ERC1: variants seen among roughly 807,000 people sequenced by gnomAD.
ERC1 encodes the protein RAB6 interacting protein 2.
Under a neutral mutation model 132.0 loss-of-function variants are expected in ERC1, and 56 were observed. That is an observed-to-expected ratio of 0.42 (90% confidence interval 0.34 to 0.53). The LOEUF (loss-of-function observed/expected upper bound fraction) is 0.53. Among genes scored for constraint, ERC1 ranks in the 20% least tolerant of loss-of-function variants. The pLI, the probability that ERC1 is intolerant of heterozygous loss-of-function variation, is 0.03. For missense variants in ERC1, 1,202 were observed against 1,349.9 expected (o/e 0.89, Z 1.72); for synonymous variants, 478 against 476.1 (o/e 1.00, Z -0.05).
In ERC1 at chr12:1,183,175, G is replaced by A. The variant is rs1251285401; in HGVS notation, c.2017-106G>A. On this transcript the variant is annotated intron_variant, in intron 10 of 18. Coordinates refer to ENST00000360905, the MANE Select transcript of ERC1 (RefSeq NM_178040.4). ...GTTTCCTTGTAATGGGAGTATGTCAGCATTTGGTAATAGAAAGGAAATTAC... is the reference window on the plus strand; with the variant it reads ...GTTTCCTTGTAATGGGAGTATGTCAACATTTGGTAATAGAAAGGAAATTAC... 8.1e-6 allele frequency: 5 copies of A among 619,114 alleles called. No homozygotes were observed. The Admixed American group carries it at 1.0e-4, about 12-fold the overall frequency. The allele number at this position is 619,114 out of a possible 1,614,324, so 38.4% of individuals were successfully genotyped here.
intron 15 of ERC1, among the ~76,000 whole-genome samples, chr12:1,316,590 C>A (rs144655410): frequency 6.6e-6 from 1 of 151,956 alleles, no homozygotes; most frequent in African/African-American, 2.4e-5. Context: ...GTTGTTAATG[C>A]GGGAGAGGAT....
At chr12:1,344,045 G>A (rs2084187674) in intron 15 of ERC1, among the ~76,000 whole-genome samples, 1 of 152,114 alleles carries the variant, frequency 6.6e-6, no homozygotes, top group South Asian at 2.1e-4. Flanking sequence ...GTTTCACCGT[G>A]TTAGCCAGGA....
chr12:1,121,661 C>CTGTGTCTCTATCTCTA (rs1555254383), intron 7 of ERC1, among the ~76,000 whole-genome samples: 4 of 17,318 alleles, frequency 2.3e-4, no homozygotes, highest in African/African-American at 4.3e-4. Flanking sequence ...CTATCTCTAT[C>CTGTGTCTCTATCTCTA]TCTATCTCTA....
chr12:1,491,019 G>C lies in ERC1; in HGVS notation c.*789G>C, dbSNP rs1239222138. On this transcript the variant is annotated 3_prime_UTR_variant, in exon 19 of 19. Transcript: ENST00000360905. ...GGTGTTAGATCAAATATCTCTAATTGAAGAACATGTGAGGTTGAAAGAGCA... is the reference window on the plus strand; with the variant it reads ...GGTGTTAGATCAAATATCTCTAATTCAAGAACATGTGAGGTTGAAAGAGCA... 3 of 232,750 alleles carry C rather than the reference G, an allele frequency of 1.3e-5. No individual in the cohort carries two copies. Among genetic ancestry groups the C allele is most frequent in the Non-Finnish European group, 1.7e-5 (2 of 117,812 alleles). 14.4% of individuals were successfully genotyped at this position (232,750 alleles called of 1,614,324 possible).
intron 13 of ERC1, among the ~76,000 whole-genome samples, chr12:1,259,213 C>T (rs1018239378): frequency 1.3e-5 from 2 of 152,098 alleles, no homozygotes; most frequent in African/African-American, 4.8e-5. Context: ...CCACTTTCAT[C>T]TCTTTTGGTT....
rs117984866 is a variant in ERC1, at chr12:1,438,231, G to C, written c.3025-6331G>C. Among the ~76,000 whole-genome samples the C allele has an allele frequency of 5.4e-3, 819 of 152,296 alleles. 2 individuals carry two copies. The highest frequency in any genetic ancestry group is 0.017 in the Middle Eastern group (5 of 294). ...CCTGAAGTACATTATTGACTAAGAA[G>C]ATATCTTAGTTATTGAGGGTAAAGA... On this transcript the variant is annotated intron_variant, in intron 17 of 18. Coordinates refer to ENST00000360905, the MANE Select transcript of ERC1 (RefSeq NM_178040.4).
intron 1 of ERC1, among the ~76,000 whole-genome samples, chr12:1,018,382 T>C (rs987325195): frequency 7.2e-5 from 11 of 152,120 alleles, no homozygotes; most frequent in Non-Finnish European, 1.5e-4. Flanking sequence ...GCCTGGCTAA[T>C]TTTTGTATTT....
At chr12:1,351,707 G>A (rs901247467) in intron 15 of ERC1, among the ~76,000 whole-genome samples, 1 of 151,818 alleles carries the variant, frequency 6.6e-6, no homozygotes, top group Admixed American at 6.6e-5. Context: ...CAACATAATT[G>A]TACATATTTA....
chr12:1,444,499 T>C, intron 17 of ERC1, 63 bp from the exon 18 acceptor site: 1 of 1,188,614 alleles, frequency 8.4e-7, no homozygotes, highest in Non-Finnish European at 1.2e-6. Context: ...TTTGAACCTC[T>C]CATTTCAGAC....
intron 2 of ERC1, among the ~76,000 whole-genome samples, chr12:1,070,324 A>G (rs189956677): frequency 6.7e-6 from 1 of 150,026 alleles, no homozygotes; most frequent in Admixed American, 6.6e-5. Context: ...TTTTGGAGGC[A>G]GGGTCTCACT....
intron 1 of ERC1, among the ~76,000 whole-genome samples, chr12:997,354 G>A (rs1224595329): frequency 6.6e-6 from 1 of 152,188 alleles, no homozygotes; most frequent in East Asian, 1.9e-4. Flanking sequence ...ACGAACATAT[G>A]TGTCCTAGAT....
At position 1,490,641 on chromosome 12, in the gene ERC1, G is replaced by A. The variant is rs2094309176; in HGVS notation, c.*411G>A. The A allele has an allele frequency of 8.0e-6, 2 of 248,542 alleles. No homozygotes were observed. Among genetic ancestry groups the A allele is most frequent in the Non-Finnish European group, 1.6e-5 (2 of 127,600 alleles). The allele number at this position is 248,542 out of a possible 1,614,324, so 15.4% of individuals were successfully genotyped here. On this transcript the variant is annotated 3_prime_UTR_variant, in exon 19 of 19. Transcript: ENST00000360905. ...AACAGGCTGAGAGGATGCCTCCAAT[G>A]GACCAGAGAGCTGAGTGTTCTAATA...
rs542565593 is a variant in ERC1, at chr12:1,384,684, A to G, written c.2925+12707A>G. Among the ~76,000 whole-genome samples, 83 of 152,326 alleles carry G rather than the reference A, an allele frequency of 5.4e-4. 1 individual carries two copies. Among genetic ancestry groups the G allele is most frequent in the Admixed American group, 3.1e-3 (47 of 15,304 alleles). On this transcript the variant is annotated intron_variant, in intron 16 of 18. Transcript: ENST00000360905. ...ACCTGAAGTTCAGTATTTTCCCCCT[A>G]TATTTCAAAAGTTTTATGAAATATA...
chr12:1,201,366 A>G (rs145074595), intron 12 of ERC1, among the ~76,000 whole-genome samples: 5 of 152,328 alleles, frequency 3.3e-5, no homozygotes, highest in Middle Eastern at 3.4e-3. Context: ...AAGAGTGAAT[A>G]AAATTGTTTT....
Position 1,389,900 on chromosome 12 carries a change from G to A in ERC1, c.2925+17923G>A, listed in dbSNP as rs938099443. Among the ~76,000 whole-genome samples, 6 of 152,084 alleles carry A rather than the reference G, an allele frequency of 3.9e-5. No homozygotes were observed. In the East Asian group the frequency reaches 7.7e-4, roughly 20 times the overall value. On this transcript the variant is annotated intron_variant, in intron 16 of 18. Transcript: ENST00000360905. Reference sequence around the variant, plus strand: ...CAGTCTCTAAGCAAAAATATGTAGTGCCTTTAAAGAAACAACAACAAAAAA... The same window carrying A: ...CAGTCTCTAAGCAAAAATATGTAGTACCTTTAAAGAAACAACAACAAAAAA...
At chr12:1,234,140 G>A (rs2075259168) in intron 12 of ERC1, among the ~76,000 whole-genome samples, 1 of 152,134 alleles carries the variant, frequency 6.6e-6, no homozygotes, top group Non-Finnish European at 1.5e-5. Flanking sequence ...CTTTTAAGGA[G>A]ACCTAAACAA....
Position 1,042,649 on chromosome 12 carries a change from A to AT in ERC1, c.669+14090dup, listed in dbSNP as rs200405201. 6.9e-4 allele frequency among the ~76,000 whole-genome samples: 101 copies of AT among 146,364 alleles called. 1 individual carries two copies. Among genetic ancestry groups the AT allele is most frequent in the Middle Eastern group, 3.5e-3 (1 of 284 alleles). The stretch of plus-strand genomic sequence containing the variant: ...CACCGCACTCGGCCTAGTATTTTTA[A>AT]TTTTTTTTTTTTTAAACCCAGTTGC... On this transcript the variant is annotated intron_variant, in intron 2 of 18. Transcript: ENST00000360905.
intron 12 of ERC1, among the ~76,000 whole-genome samples, chr12:1,232,272 A>G (rs551015820): frequency 2.0e-4 from 30 of 152,288 alleles, no homozygotes; most frequent in Non-Finnish European, 1.3e-4. Context: ...TCAGAATTCA[A>G]TTATAATGTG....
chr12:1,404,650 TTTTTATTTTCAAC>T (rs1160833482), intron 16 of ERC1, among the ~76,000 whole-genome samples: 32 of 152,210 alleles, frequency 2.1e-4, no homozygotes, highest in Non-Finnish European at 4.0e-4. Flanking sequence ...CGTTATTTTC[TTTTTATTTTCAAC>T]TTTTATTTTA....
Sources: gnomAD v4.1 joint callset for allele counts (sites outside exome capture counted in the v4.1 genomes callset) on GRCh38, gnomAD v4.1.1 for gene constraint, MANE v1.5 for transcripts, NCBI Gene and HGNC (gene_info 2026-07-23, HGNC 2026-07-21) for gene names.